Variants in NGEF observed in about 807,000 individuals in gnomAD.
NGEF encodes ephexin-1.
In NGEF, 31 loss-of-function variants were observed where a neutral mutation model predicts 80.9. That is an observed-to-expected ratio of 0.38 (90% CI 0.29 to 0.52). NGEF has a LOEUF of 0.52. NGEF is among the 20% of genes least tolerant of loss of function. NGEF has a pLI of 0.84. For missense variants in NGEF, 709 were observed against 926.2 expected (o/e 0.77, Z 3.04); for synonymous variants, 371 against 370.2 (o/e 1.00, Z -0.03).
intron 3 of NGEF, among the ~76,000 whole-genome samples, chr2:232,930,653 CT>C (rs1336812966): frequency 2.0e-5 from 3 of 152,066 alleles, no homozygotes. Context: ...TCTGGGGTCT[CT>C]TTTATAGGGT....
chr2:232,997,545 A>G (rs183624387), intron 1 of NGEF, among the ~76,000 whole-genome samples: 4 of 152,202 alleles, frequency 2.6e-5, no homozygotes, highest in Admixed American at 2.6e-4. Context: ...GAACACAGAA[A>G]TATCCACCGT....
At chr2:232,942,815 AAAG>A (rs967709265) in intron 3 of NGEF, among the ~76,000 whole-genome samples, 5 of 151,600 alleles carry the variant, frequency 3.3e-5, no homozygotes, top group Admixed American at 6.6e-5. Context: ...AAAGAAAAGA[AAAG>A]AAGAAAATGA....
At position 232,883,991 on chromosome 2, in the gene NGEF, G is replaced by T; in HGVS notation, c.1591C>A (p.Gln531Lys). 1 of 1,610,180 alleles carries T rather than the reference G, an allele frequency of 6.2e-7. No homozygotes were observed. ...TGGGCCCCGACTCACCCTGGAATCT[G>T]CCGGCAGATCACCAGCAGGTCGTTG... is the stretch of plus-strand genomic sequence containing the variant. The part of the protein sequence containing the change: ...LFNDLLVICR[Q>K]IPGDKYQVFD... The change falls in exon 11 of 15, where the codon CAG (glutamine) becomes AAG (lysine). Residue 531 changes from glutamine to lysine, a missense_variant. By Grantham distance (53) the Gln-to-Lys change is moderately conservative. Around this residue, in one of 2 missense-constraint regions of NGEF, gnomAD observed 426 missense variants for 622.9 expected, o/e 0.68. Coordinates refer to ENST00000264051, the MANE Select transcript of NGEF (RefSeq NM_019850.3).
chr2:232,882,319 A>G (rs1691530110), intron 12 of NGEF, 54 bp from the exon 13 acceptor site: 10 of 1,490,988 alleles, frequency 6.7e-6, no homozygotes, highest in Middle Eastern at 1.7e-4. Context: ...CAGCCCCCCA[A>G]CGTGTGGCAC....
intron 3 of NGEF, among the ~76,000 whole-genome samples, chr2:232,962,641 T>C (rs1336534471): frequency 6.6e-6 from 1 of 151,788 alleles, no homozygotes; most frequent in East Asian, 1.9e-4. Flanking sequence ...CAAAAAATGA[T>C]TGAAAAATGA....
rs756180289 is a variant in NGEF at position 232,920,564 on chromosome 2, C to A, written c.548G>T (p.Arg183Leu). Residue 183 changes from arginine to leucine, a missense_variant, in exon 5 of 15, where the codon CGA becomes CTA. By Grantham distance (102) the Arg-to-Leu change is moderately radical. This residue lies in a region of NGEF where 283 missense variants were observed against 303.4 expected (regional missense o/e 0.93). Coordinates refer to ENST00000264051, the MANE Select transcript of NGEF (RefSeq NM_019850.3). Reference sequence around the variant, plus strand: ...GATTTCTTGGAGAGTCGATTTATCTCGGTATTCCTGATACAGGAGCCCTGA... The same window carrying A: ...GATTTCTTGGAGAGTCGATTTATCTAGGTATTCCTGATACAGGAGCCCTGA... ...EQIGLLYQEY[R>L]DKSTLQEIET... is the part of the protein sequence containing the mutation. 2 of 1,527,480 alleles carry A rather than the reference C, an allele frequency of 1.3e-6. No homozygotes were observed. Among genetic ancestry groups the A allele is most frequent in the South Asian group, 1.3e-5 (1 of 76,936 alleles). The allele number at this position is 1,527,480 out of a possible 1,614,324, so 94.6% of individuals were successfully genotyped here.
At chr2:232,926,821 GGAC>G (rs1329814805) in intron 4 of NGEF, among the ~76,000 whole-genome samples, 1 of 152,196 alleles carries the variant, frequency 6.6e-6, no homozygotes, top group African/African-American at 2.4e-5. Context: ...GCAGAGAGCA[GGAC>G]AGAAATGTTT....
intron 1 of NGEF, among the ~76,000 whole-genome samples, chr2:233,007,988 C>T (rs1695121643): frequency 6.6e-6 from 1 of 152,212 alleles, no homozygotes; most frequent in Non-Finnish European, 1.5e-5. Flanking sequence ...TCCTCCAACG[C>T]TCAAGAATCC....
intron 1 of NGEF, among the ~76,000 whole-genome samples, chr2:232,994,380 A>G (rs1694735453): frequency 6.6e-6 from 1 of 152,130 alleles, no homozygotes; most frequent in Non-Finnish European, 1.5e-5. Flanking sequence ...AAAAAAAAAA[A>G]AAAAAAAAGA....
chr2:232,881,291 T>C lies in NGEF; in HGVS notation c.1838-41A>G, dbSNP rs1299965329. The C allele has an allele frequency of 2.0e-6, 3 of 1,498,286 alleles. No individual in the cohort carries two copies. The Admixed American group carries it at 5.0e-5, about 25-fold the overall frequency. 92.8% of individuals were successfully genotyped at this position (1,498,286 alleles called of 1,614,324 possible). Reference sequence around the variant, plus strand: ...CACGGGCACATCCCCACCACCGCACTACCCACCTGCACACTCCCACCAAGC... The same window carrying C: ...CACGGGCACATCCCCACCACCGCACCACCCACCTGCACACTCCCACCAAGC... On this transcript the variant is annotated intron_variant, in intron 13 of 14. Transcript: ENST00000264051.
intron 4 of NGEF, among the ~76,000 whole-genome samples, chr2:232,923,824 G>C (rs1370638126): frequency 1.3e-5 from 2 of 152,210 alleles, no homozygotes; most frequent in African/African-American, 4.8e-5. Flanking sequence ...TGTCCCCCCA[G>C]ATTCGTATGT....
chr2:232,945,045 C>A (rs1246367395), intron 3 of NGEF, among the ~76,000 whole-genome samples: 1 of 151,976 alleles, frequency 6.6e-6, no homozygotes, highest in East Asian at 1.9e-4. Context: ...AGCCACCACG[C>A]CTGGCCTATA....
intron 1 of NGEF, among the ~76,000 whole-genome samples, chr2:232,994,705 G>T (rs756790164): frequency 6.6e-6 from 1 of 152,118 alleles, no homozygotes; most frequent in Non-Finnish European, 1.5e-5. Context: ...GCCTCCTGTT[G>T]CTCCAATGTC....
At chr2:232,885,630 C>T in intron 9 of NGEF, 2 of 493,996 alleles carry the variant, frequency 4.0e-6, no homozygotes, top group Non-Finnish European at 3.7e-6. Flanking sequence ...CTCCAGAAAA[C>T]ACATGCGTGA....
At chr2:232,933,136 A>AAAT (rs1189979241) in intron 3 of NGEF, among the ~76,000 whole-genome samples, 1 of 151,282 alleles carries the variant, frequency 6.6e-6, no homozygotes, top group African/African-American at 2.4e-5. Context: ...ATAAATAAAT[A>AAAT]AATAAATAAA....
intron 1 of NGEF, among the ~76,000 whole-genome samples, chr2:232,994,085 T>A (rs1694727524): frequency 6.6e-6 from 1 of 152,128 alleles, no homozygotes; most frequent in Non-Finnish European, 1.5e-5. Flanking sequence ...AAAATTGATA[T>A]TAGGCTGGGT....
At chr2:232,952,594 T>C (rs780484099) in intron 3 of NGEF, among the ~76,000 whole-genome samples, 4 of 152,226 alleles carry the variant, frequency 2.6e-5, no homozygotes, top group Admixed American at 1.3e-4. Flanking sequence ...TATCAATTTC[T>C]ACATGGAAGT....
At chr2:232,963,897 A>G (rs1031044577) in intron 3 of NGEF, among the ~76,000 whole-genome samples, 1 of 152,224 alleles carries the variant, frequency 6.6e-6, no homozygotes, top group Admixed American at 6.5e-5. Flanking sequence ...CAAGATATAT[A>G]GAGAACTCCT....
At chr2:232,925,868 G>GCCA (rs929592432) in intron 4 of NGEF, among the ~76,000 whole-genome samples, 10 of 152,132 alleles carry the variant, frequency 6.6e-5, no homozygotes, top group South Asian at 4.2e-4. Flanking sequence ...AAAGGGAAAA[G>GCCA]CCACCACCAC....
Sources: gnomAD v4.1 joint callset for allele counts (sites outside exome capture counted in the v4.1 genomes callset) on GRCh38, gnomAD v4.1.1 for gene constraint, gnomAD v4.1.1 regional missense constraint, MANE v1.5 for transcripts, NCBI Gene and HGNC (gene_info 2026-07-23, HGNC 2026-07-21) for gene names.